AHSA1: variants seen among roughly 807,000 people sequenced by gnomAD.
The protein encoded by AHSA1 is activator of HSP90 ATPase activity 1.
AHSA1 carries 14 observed loss-of-function variants against 46.1 expected under a neutral mutation model. That is an observed-to-expected ratio of 0.30 (90% CI 0.20 to 0.47). The LOEUF is 0.47. Ranked by LOEUF, AHSA1 falls within the 20% of genes least tolerant of loss-of-function variation. The pLI is 0.99. For synonymous variants in AHSA1, 147 were observed against 145.8 expected (o/e 1.01, Z -0.06); for missense variants, 333 against 415.9 (o/e 0.80, Z 1.73).
intron 2 of AHSA1, 141 bp from the exon 3 acceptor site, chr14:77,462,019 A>G (rs927600206): frequency 1.7e-6 from 1 of 603,646 alleles, no homozygotes; most frequent in Non-Finnish European, 2.9e-6. Context: ...TGTTGATTGC[A>G]TCTGGCATGT....
chr14:77,465,465 A>C (rs1273180562), intron 5 of AHSA1, 74 bp from the exon 6 acceptor site: 2 of 1,529,498 alleles, frequency 1.3e-6, no homozygotes, highest in Non-Finnish European at 1.8e-6. Context: ...GAATGGTACA[A>C]CTGTCTCTGA....
At chr14:77,467,803 T>C (rs770636517) in intron 6 of AHSA1, among the ~76,000 whole-genome samples, 3 of 152,264 alleles carry the variant, frequency 2.0e-5, no homozygotes, top group Non-Finnish European at 4.4e-5. Flanking sequence ...TTTTCTTTCA[T>C]AAGCTCATTC....
intron 1 of AHSA1, 30 bp downstream of exon 1, chr14:77,458,299 G>A (rs760905249): frequency 6.5e-7 from 1 of 1,539,058 alleles, no homozygotes; most frequent in South Asian, 1.2e-5. Flanking sequence ...GCCGGCCTTG[G>A]GAGACCTGCG....
chr14:77,465,099 G>A (rs1394426611), intron 5 of AHSA1, among the ~76,000 whole-genome samples: 2 of 152,220 alleles, frequency 1.3e-5, no homozygotes, highest in Non-Finnish European at 2.9e-5. Flanking sequence ...TTTTCAGGGT[G>A]AGCAAGTACT....
intron 6 of AHSA1, among the ~76,000 whole-genome samples, chr14:77,467,000 G>A (rs1215468314): frequency 6.6e-6 from 1 of 152,118 alleles, no homozygotes; most frequent in Non-Finnish European, 1.5e-5. Flanking sequence ...TTTTAATTTT[G>A]TACCATGTAT....
At chr14:77,465,513 G>A in intron 5 of AHSA1, 26 bp from the exon 6 acceptor site, 1 of 1,611,630 alleles carries the variant, frequency 6.2e-7, no homozygotes, top group Non-Finnish European at 8.5e-7. Flanking sequence ...ACTCTGTATT[G>A]ATCATTTTCA....
At chr14:77,461,506 A>G (rs887345119) in intron 2 of AHSA1, among the ~76,000 whole-genome samples, 3 of 152,158 alleles carry the variant, frequency 2.0e-5, no homozygotes, top group Admixed American at 6.5e-5. Flanking sequence ...ATCCAGCCTG[A>G]GCGACAGAGC....
upstream of AHSA1, chr14:77,457,920 G>A (rs775270229): frequency 1.6e-4 from 78 of 498,908 alleles, no homozygotes; most frequent in Non-Finnish European, 2.5e-4. Flanking sequence ...GTTGGGTTTC[G>A]GGACGCTTTT....
At chr14:77,463,628 A>G (rs147908204) in intron 4 of AHSA1, among the ~76,000 whole-genome samples, 40 of 151,878 alleles carry the variant, frequency 2.6e-4, no homozygotes, top group African/African-American at 8.4e-4. Flanking sequence ...TGAGGCTCAC[A>G]TTATATTTCT....
chr14:77,460,572 CT>C (rs35050436), intron 2 of AHSA1, among the ~76,000 whole-genome samples: 136,924 of 144,300 alleles, frequency 0.95, 65,275 homozygotes, highest in East Asian at 1. Flanking sequence ...CTCAGACCTC[CT>C]TTTTTTTTTT....
At position 77,468,874 on chromosome 14, in the gene AHSA1, G is replaced by GC. The variant is rs1012653048; in HGVS notation, c.845-200dup. 5 of 638,942 alleles carry GC rather than the reference G, an allele frequency of 7.8e-6. No individual in the cohort carries two copies. The African/African-American group carries it at 9.2e-5, about 12-fold the overall frequency. 39.6% of individuals were successfully genotyped at this position (638,942 alleles called of 1,614,324 possible). ...TGGGATTACAGGTGCATGCCACCAC[G>GC]CCCACGTAATTTTAGTAGAGATGGA... On this transcript the variant is annotated intron_variant, in intron 8 of 8. Transcript: ENST00000216479.
rs770532863 is a variant in AHSA1, at chr14:77,465,627, C to T, written c.650C>T (p.Thr217Met). Residue 217 changes from threonine to methionine, a missense_variant, in exon 6 of 9, where the codon ACG becomes ATG. Physicochemically the swap from Thr to Met is moderately conservative, Grantham distance 81 (BLOSUM62 -1). Transcript: ENST00000216479. ...CKITLKETFL[T>M]SPEELYRVFT... The stretch of plus-strand genomic sequence containing the variant: ...ATCACTCTTAAGGAAACCTTCCTGA[C>T]GTCACCAGAGGAGCTCTATAGAGTG... The T allele has an allele frequency of 1.9e-5, 31 of 1,613,792 alleles. No individual in the cohort carries two copies. Among genetic ancestry groups the T allele is most frequent in the South Asian group, 5.5e-5 (5 of 91,088 alleles).
intron 1 of AHSA1, 34 bp from the exon 2 acceptor site, chr14:77,459,582 A>G (rs1437269936): frequency 6.2e-7 from 1 of 1,609,322 alleles, no homozygotes; most frequent in Admixed American, 1.7e-5. Flanking sequence ...CCTCCGTTTG[A>G]CTGCTGGTTC....
Position 77,468,148 on chromosome 14 carries a change from G to T in AHSA1, c.756G>T (p.Met252Ile), listed in dbSNP as rs749961382. 30 of 1,561,044 alleles carry T rather than the reference G, an allele frequency of 1.9e-5. No individual in the cohort carries two copies. Among genetic ancestry groups the T allele is most frequent in the Non-Finnish European group, 2.3e-5 (27 of 1,152,158 alleles). The change falls in exon 7 of 9, where the codon ATG becomes ATT. Residue 252 changes from methionine (M) to isoleucine (I), a missense_variant. Transcript: ENST00000216479. ...CAGACAGAGGTGGAAAGTTCCACAT[G>T]GTAGATGGCAACGTCTCTGGGGAAT... Reference protein sequence around the residue: ...LEADRGGKFHMVDGNVSGEFT... With the variant: ...LEADRGGKFHIVDGNVSGEFT...
At chr14:77,465,357 C>T (rs2079043428) in intron 5 of AHSA1, among the ~76,000 whole-genome samples, 182 bp from the exon 6 acceptor site, 1 of 152,192 alleles carries the variant, frequency 6.6e-6, no homozygotes, top group South Asian at 2.1e-4. Flanking sequence ...AGGAGGTTTC[C>T]AGAATCATTA....
chr14:77,464,590 C>G lies in AHSA1; in HGVS notation c.473-8C>G. 3 of 1,608,328 alleles carry G rather than the reference C, an allele frequency of 1.9e-6. No individual in the cohort carries two copies. Among genetic ancestry groups the G allele is most frequent in the Non-Finnish European group, 2.5e-6 (3 of 1,178,068 alleles). On this transcript the variant is annotated splice_region_variant and splice_polypyrimidine_tract_variant and intron_variant, in intron 4 of 8. Coordinates refer to ENST00000216479, the MANE Select transcript of AHSA1 (RefSeq NM_012111.3). The stretch of plus-strand genomic sequence containing the variant: ...TAACTTCCATGAGCTGGAATTTTAT[C>G]TTTTCAGAGTTCACCCAGGGCATGA...
At chr14:77,468,052 T>A in intron 6 of AHSA1, 31 bp from the exon 7 acceptor site, 3 of 265,724 alleles carry the variant, frequency 1.1e-5, no homozygotes, top group Non-Finnish European at 1.5e-5. Context: ...CTTCTGCCTC[T>A]TTTTTTTTTT....
Position 77,464,588 on chromosome 14 carries a change from A to C in AHSA1, c.473-10A>C, listed in dbSNP as rs1472344627. On this transcript the variant is annotated splice_polypyrimidine_tract_variant and intron_variant, in intron 4 of 8. Coordinates refer to ENST00000216479, the MANE Select transcript of AHSA1 (RefSeq NM_012111.3). ...AGTAACTTCCATGAGCTGGAATTTT[A>C]TCTTTTCAGAGTTCACCCAGGGCAT... The C allele has an allele frequency of 1.9e-6, 3 of 1,608,344 alleles. No individual in the cohort carries two copies. Among genetic ancestry groups the C allele is most frequent in the Non-Finnish European group, 2.5e-6 (3 of 1,178,064 alleles).
chr14:77,468,949 C>A (rs1944428163), intron 8 of AHSA1, 128 bp from the exon 9 acceptor site: 1 of 1,039,404 alleles, frequency 9.6e-7, no homozygotes, highest in Non-Finnish European at 1.4e-6. Context: ...CTCTGGTGAT[C>A]CGCCCACCTC....
Sources: allele counts gnomAD v4.1 joint callset (sites outside exome capture counted in the v4.1 genomes callset), GRCh38; gene constraint gnomAD v4.1.1; transcripts MANE v1.5; gene names NCBI Gene and HGNC (gene_info 2026-07-23, HGNC 2026-07-21).